EYS: variants seen among roughly 807,000 people sequenced by gnomAD.
The protein encoded by EYS is protein eyes shut homolog.
In EYS, 250 loss-of-function variants were observed where a neutral mutation model predicts 282.1. That is an observed-to-expected ratio of 0.89 (90% confidence interval 0.80 to 0.98). EYS has a LOEUF of 0.98. Ranked by LOEUF, EYS falls within the 50% of genes least tolerant of loss-of-function variation. The pLI is 0.00. For missense variants in EYS, 4,016 were observed against 3,709.0 expected (o/e 1.08, Z -2.15); for synonymous variants, 1,355 against 1,282.9 (o/e 1.06, Z -1.20).
intron 12 of EYS, among the ~76,000 whole-genome samples, chr6:65,272,379 G>A (rs1178213563): frequency 6.6e-6 from 1 of 152,054 alleles, no homozygotes; most frequent in East Asian, 1.9e-4. Flanking sequence ...AACCGAAGGG[G>A]CTCATTTCAT....
In EYS at chr6:63,861,440, C is replaced by G. The variant is rs146882381; in HGVS notation, c.7228+2746G>C. On this transcript the variant is annotated intron_variant, in intron 36 of 42. Coordinates refer to ENST00000503581, the MANE Select transcript of EYS (RefSeq NM_001142800.2). ...TAAAATCTGTTAGAGATAATACCAT[C>G]AGAATAGTTTAAACAGATACACAAA... Among the ~76,000 whole-genome samples the G allele has an allele frequency of 7.1e-3, 1,078 of 152,292 alleles. 28 individuals are homozygous for G. The highest frequency in any genetic ancestry group is 2.5e-3 in the Non-Finnish European group (170 of 68,024).
intron 32 of EYS, among the ~76,000 whole-genome samples, chr6:64,068,590 C>T (rs562781566): frequency 1.1e-4 from 16 of 151,900 alleles, no homozygotes; most frequent in Admixed American, 6.6e-4. Flanking sequence ...AGCACACCAT[C>T]GCACATGTAA....
At chr6:64,161,730 A>G (rs1433610982) in intron 31 of EYS, among the ~76,000 whole-genome samples, 1 of 152,208 alleles carries the variant, frequency 6.6e-6, no homozygotes, top group Non-Finnish European at 1.5e-5. Flanking sequence ...AAGTGGAATT[A>G]TATAAAGACC....
At chr6:64,372,647 G>C (rs1772421777) in intron 29 of EYS, among the ~76,000 whole-genome samples, 1 of 152,148 alleles carries the variant, frequency 6.6e-6, no homozygotes, top group Admixed American at 6.5e-5. Flanking sequence ...TTTCCAAGTT[G>C]CTTAGCTTTT....
chr6:65,501,386 G>A (rs971086899), intron 2 of EYS, among the ~76,000 whole-genome samples: 7 of 151,740 alleles, frequency 4.6e-5, no homozygotes, highest in African/African-American at 1.7e-4. Flanking sequence ...ACTCTTTTAA[G>A]ATCATATTTC....
intron 30 of EYS, among the ~76,000 whole-genome samples, chr6:64,301,241 G>A (rs545907656): frequency 4.6e-5 from 7 of 152,112 alleles, no homozygotes; most frequent in East Asian, 3.9e-4. Flanking sequence ...AACTGGCTTT[G>A]GCCCACCTTG....
At position 65,471,478 on chromosome 6, in the gene EYS, T is replaced by C. The variant is rs1327837776; in HGVS notation, c.862+19116A>G. Among the ~76,000 whole-genome samples the C allele has an allele frequency of 2.0e-5, 3 of 152,144 alleles. No individual in the cohort carries two copies. In the East Asian group the frequency reaches 5.8e-4, roughly 29 times the overall value. On this transcript the variant is annotated intron_variant, in intron 5 of 42. Transcript: ENST00000503581. ...GACGATGAATTCTGGGATTGTTTTT[T>C]ATATTAGTACAAGAGAGTAAAACCA...
chr6:64,413,394 A>T (rs1213917385), intron 28 of EYS, among the ~76,000 whole-genome samples: 1 of 152,142 alleles, frequency 6.6e-6, no homozygotes, highest in African/African-American at 2.4e-5. Context: ...AACTCTGTTT[A>T]AGCCCTTTGA....
intron 15 of EYS, among the ~76,000 whole-genome samples, chr6:64,924,990 T>C (rs1327376685): frequency 6.6e-6 from 1 of 152,216 alleles, no homozygotes. Flanking sequence ...GGGTATCTTT[T>C]CAGCAGCACC....
At chr6:65,635,272 A>G (rs1376261221) in intron 2 of EYS, among the ~76,000 whole-genome samples, 1 of 152,160 alleles carries the variant, frequency 6.6e-6, no homozygotes, top group Non-Finnish European at 1.5e-5. Context: ...GCCTTTTCCC[A>G]TCTCTATAGC....
rs1774533542 is a variant in EYS, at chr6:65,090,704, G to C, written c.2024-32977C>G. On this transcript the variant is annotated intron_variant, in intron 12 of 42. Coordinates refer to ENST00000503581, the MANE Select transcript of EYS (RefSeq NM_001142800.2). ...CCCAAAATATTTGAAAGAAATTATAGTACAGGGATCCACAACACAAAGCTG... is the reference window on the plus strand; with the variant it reads ...CCCAAAATATTTGAAAGAAATTATACTACAGGGATCCACAACACAAAGCTG... Among the ~76,000 whole-genome samples the C allele has an allele frequency of 2.0e-5, 3 of 152,082 alleles. No individual in the cohort carries two copies. The South Asian group carries it at 6.2e-4, about 32-fold the overall frequency.
chr6:64,992,432 A>G (rs1042821671), intron 14 of EYS, among the ~76,000 whole-genome samples: 1 of 151,878 alleles, frequency 6.6e-6, no homozygotes, highest in African/African-American at 2.4e-5. Context: ...AAAAGTTAAG[A>G]AAATATTTAT....
In EYS at chr6:64,648,140, A is replaced by G. The variant is rs542729614; in HGVS notation, c.3444-21895T>C. Among the ~76,000 whole-genome samples the G allele has an allele frequency of 4.6e-5, 7 of 152,312 alleles. No homozygotes were observed. In the South Asian group the frequency reaches 1.5e-3, roughly 32 times the overall value. ...TGTTCTCTCATACACTCATAGCCTT[A>G]TGATGGCTGGCACTGATGTTATCTC... On this transcript the variant is annotated intron_variant, in intron 22 of 42. Transcript: ENST00000503581.
intron 22 of EYS, among the ~76,000 whole-genome samples, chr6:64,684,439 A>G (rs1770013837): frequency 6.6e-6 from 1 of 152,162 alleles, no homozygotes; most frequent in South Asian, 2.1e-4. Flanking sequence ...GCTAAAAAAA[A>G]CACAACTGAA....
Position 64,142,954 on chromosome 6 carries a change from A to T in EYS, c.6425-60952T>A, listed in dbSNP as rs534348409. On this transcript the variant is annotated intron_variant, in intron 31 of 42. Coordinates refer to ENST00000503581, the MANE Select transcript of EYS (RefSeq NM_001142800.2). Reference sequence around the variant, plus strand: ...AATGGATTCAGTAGGTAAATTGTTTAAAAAAATGTGGTATATCCAAACAAT... The same window carrying T: ...AATGGATTCAGTAGGTAAATTGTTTTAAAAAATGTGGTATATCCAAACAAT... Among the ~76,000 whole-genome samples, 69 of 152,294 alleles carry T rather than the reference A, an allele frequency of 4.5e-4. 1 individual carries two copies. Among genetic ancestry groups the T allele is most frequent in the East Asian group, 3.1e-3 (16 of 5,180 alleles).
At chr6:64,612,315 T>C (rs1402824633) in intron 24 of EYS, among the ~76,000 whole-genome samples, 1 of 152,142 alleles carries the variant, frequency 6.6e-6, no homozygotes, top group Non-Finnish European at 1.5e-5. Context: ...ACAATAAGCC[T>C]GACCAATAGA....
At position 64,686,512 on chromosome 6, in the gene EYS, C is replaced by T. The variant is rs575385181; in HGVS notation, c.3444-60267G>A. 1.1e-4 allele frequency among the ~76,000 whole-genome samples: 17 copies of T among 151,030 alleles called. No individual in the cohort carries two copies. The East Asian group carries it at 1.9e-3, about 17-fold the overall frequency. ...ATCCCAGCTCTTTGGGAGGCCGAGG[C>T]GGGCGGATCACGAGGTCAGGAGATC... On this transcript the variant is annotated intron_variant, in intron 22 of 42. Transcript: ENST00000503581.
intron 22 of EYS, among the ~76,000 whole-genome samples, chr6:64,768,839 C>G (rs1773434569): frequency 6.6e-6 from 1 of 152,074 alleles, no homozygotes; most frequent in Non-Finnish European, 1.5e-5. Context: ...ATCTTCTACC[C>G]TTCCGTTATT....
chr6:65,442,990 G>T (rs184090811), intron 5 of EYS, among the ~76,000 whole-genome samples: 1 of 101,538 alleles, frequency 9.8e-6, no homozygotes, highest in South Asian at 3.0e-4. Flanking sequence ...ACATATGTGC[G>T]TATATGTATA....
Sources: gnomAD v4.1 joint callset for allele counts (sites outside exome capture counted in the v4.1 genomes callset) on GRCh38, gnomAD v4.1.1 for gene constraint, MANE v1.5 for transcripts, NCBI Gene and HGNC (gene_info 2026-07-23, HGNC 2026-07-21) for gene names.